MLC1: variants seen among roughly 807,000 people sequenced by gnomAD.
The protein encoded by MLC1 is modulator of VRAC current 1.
A neutral mutation model predicts 44.7 loss-of-function variants in MLC1; 32 were observed. The ratio of observed to expected loss-of-function variants is 0.72; its 90% confidence interval spans 0.54 to 0.96. The LOEUF (loss-of-function observed/expected upper bound fraction) is 0.96. Among genes scored for constraint, MLC1 ranks in the 40% least tolerant of loss-of-function variants. MLC1 has a pLI of 0.00. For synonymous variants in MLC1, 190 were observed against 213.0 expected, an observed-to-expected ratio of 0.89 and a Z score of 0.94; for missense variants, 459 against 492.2, an observed-to-expected ratio of 0.93 and a Z score of 0.64.
At chr22:50,063,942 C>A (rs796321131) in intron 11 of MLC1, 92 bp downstream of exon 11, 207 of 1,021,752 alleles carry the variant, frequency 2.0e-4, no homozygotes, top group Middle Eastern at 6.9e-4. Flanking sequence ...TCCCCAGCTT[C>A]CCCCCACCCC....
intron 9 of MLC1, among the ~76,000 whole-genome samples, chr22:50,068,788 A>G (rs545770883): frequency 2.0e-3 from 280 of 137,486 alleles, no homozygotes; most frequent in African/African-American, 7.5e-3. Context: ...ATGCAGTGGC[A>G]TGATCTTGGC....
rs11568175 is a variant in MLC1 at position 50,079,890 on chromosome 22, C to T, written c.423+28G>A. On this transcript the variant is annotated intron_variant, in intron 5 of 11. Transcript: ENST00000311597. ...TGGGAGTGGGGCTGTGGGTGTCAGG[C>T]GTCTGCGCGAAGCTCGTGTGAACTC... is the stretch of plus-strand genomic sequence containing the variant. The T allele has an allele frequency of 6.7e-5, 100 of 1,502,536 alleles. No individual in the cohort carries two copies. The South Asian group carries it at 8.4e-4, about 13-fold the overall frequency. 93.1% of individuals were successfully genotyped at this position (1,502,536 alleles called of 1,614,324 possible). A position where few individuals can be genotyped will look rare whatever the true frequency, so the allele number is the denominator to read the frequency against.
chr22:50,062,553 G>A (rs977330561), intron 11 of MLC1, among the ~76,000 whole-genome samples: 5 of 152,274 alleles, frequency 3.3e-5, no homozygotes, highest in Non-Finnish European at 4.4e-5. Flanking sequence ...GGGTGGGGGC[G>A]ACGGGGTCAG....
At chr22:50,064,312 G>A in intron 10 of MLC1, 114 bp from the exon 11 acceptor site, 2 of 1,309,848 alleles carry the variant, frequency 1.5e-6, no homozygotes, top group Admixed American at 2.0e-5. Context: ...GCTCGAGTCG[G>A]AGCCCCAGTA....
intron 4 of MLC1, 98 bp downstream of exon 4, chr22:50,080,246 G>T: frequency 2.8e-6 from 4 of 1,437,830 alleles, no homozygotes; most frequent in Non-Finnish European, 3.8e-6. Context: ...GTGCCACAAC[G>T]TCTGTGCGTG....
Position 50,083,853 on chromosome 22 carries a change from G to C in MLC1, c.178-680C>G, listed in dbSNP as rs2062211700. Among the ~76,000 whole-genome samples the C allele has an allele frequency of 6.6e-6, 1 of 152,152 alleles. No individual in the cohort carries two copies. ...GGCAGAGGGGATCTGGCCTGGGCGG[G>C]GGAGGGGCTGCGACCAAGTCCAGGG... On this transcript the variant is annotated intron_variant, in intron 2 of 11. Coordinates refer to ENST00000311597, the MANE Select transcript of MLC1 (RefSeq NM_015166.4). The surrounding 1 kb of genome is among the most constrained non-coding windows in gnomAD (Gnocchi z 4.6).
chr22:50,075,169 C>T (rs976950422), intron 7 of MLC1, among the ~76,000 whole-genome samples: 2 of 149,586 alleles, frequency 1.3e-5, no homozygotes, highest in Non-Finnish European at 3.0e-5. Context: ...CAGGGAGGGG[C>T]CGCAACCAGC....
chr22:50,084,988 G>T (rs11568171), intron 1 of MLC1, 27 bp from the exon 2 acceptor site: 3 of 1,569,536 alleles, frequency 1.9e-6, no homozygotes, highest in Middle Eastern at 1.9e-4. Context: ...ATCGGCTTTG[G>T]CCACTCTGAG....
chr22:50,071,820 C>T (rs1196141342), intron 8 of MLC1, among the ~76,000 whole-genome samples: 1 of 152,228 alleles, frequency 6.6e-6, no homozygotes, highest in Non-Finnish European at 1.5e-5. Flanking sequence ...GCTCTTCATC[C>T]TCTTCATCTC....
At chr22:50,077,326 G>C (rs982760757) in intron 6 of MLC1, 75 bp downstream of exon 6, 2 of 1,338,328 alleles carry the variant, frequency 1.5e-6, no homozygotes, top group Non-Finnish European at 2.1e-6. Flanking sequence ...CGAGGGTGAC[G>C]CTGAGACCCA....
rs2062192140 is a variant in MLC1 at position 50,083,251 on chromosome 22, C to T, written c.178-78G>A. The T allele has an allele frequency of 5.3e-6, 7 of 1,328,334 alleles. No individual in the cohort carries two copies. Among genetic ancestry groups the T allele is most frequent in the South Asian group, 1.2e-5 (1 of 84,620 alleles). The allele number at this position is 1,328,334 out of a possible 1,614,324, so 82.3% of individuals were successfully genotyped here. On this transcript the variant is annotated intron_variant, in intron 2 of 11. Transcript: ENST00000311597. This position sits in a 1 kb window ranked among gnomAD's most constrained non-coding sequence, Gnocchi z 4.6. ...GACCCTGACCCTTCAACTTCTGCTT[C>T]ACTGTCTGTGTATTGGTGACTCACC...
chr22:50,067,819 C>G (rs894798411), intron 10 of MLC1, among the ~76,000 whole-genome samples: 2 of 135,540 alleles, frequency 1.5e-5, no homozygotes, highest in Admixed American at 1.5e-4. Context: ...GTGACTCCAT[C>G]CCCCATCAGA....
At chr22:50,081,059 G>GAAAGAAAGAAAAGAAA (rs1484447304) in intron 3 of MLC1, among the ~76,000 whole-genome samples, 1 of 19,176 alleles carries the variant, frequency 5.2e-5, no homozygotes, top group Non-Finnish European at 1.5e-4. Flanking sequence ...GAAAGAAAGA[G>GAAAGAAAGAAAAGAAA]GAGGTCTGGT....
At chr22:50,063,063 T>C (rs1447747073) in intron 11 of MLC1, among the ~76,000 whole-genome samples, 2 of 152,122 alleles carry the variant, frequency 1.3e-5, no homozygotes, top group African/African-American at 4.8e-5. Context: ...TCAGGACCTG[T>C]GGGAGTCCTC....
chr22:50,077,473 C>G lies in MLC1; in HGVS notation c.453G>C (p.Leu151=), dbSNP rs1279567153. Residue 151 remains leucine, a synonymous_variant, in exon 6 of 12, where the codon CTG becomes CTC. Transcript: ENST00000311597. ...CCGTGGCCGCCATGAGCAGCTCCAG[C>G]AGGAGCAGCAGGATGAGGTTGAAGT... ...NINFNLILLL[L]LELLMAATVI... 2 of 1,613,798 alleles carry G rather than the reference C, an allele frequency of 1.2e-6. No homozygotes were observed. Among genetic ancestry groups the G allele is most frequent in the Non-Finnish European group, 8.5e-7 (1 of 1,180,024 alleles).
At chr22:50,071,434 A>T (rs193015584) in intron 8 of MLC1, among the ~76,000 whole-genome samples, 181 of 152,116 alleles carry the variant, frequency 1.2e-3, no homozygotes, top group African/African-American at 4.0e-3. Context: ...TTTGCTCCTG[A>T]TCCGGATTCG....
At chr22:50,062,856 G>A (rs954607100) in intron 11 of MLC1, among the ~76,000 whole-genome samples, 3 of 152,228 alleles carry the variant, frequency 2.0e-5, no homozygotes, top group Admixed American at 6.5e-5. Flanking sequence ...GTAGCTCGGT[G>A]GGGGGAAGAC....
chr22:50,067,431 G>GACTCCATCCCCCA (rs2061729310), intron 10 of MLC1, among the ~76,000 whole-genome samples: 1 of 81,520 alleles, frequency 1.2e-5, no homozygotes. Flanking sequence ...TCTATCCCCT[G>GACTCCATCCCCCA]TCAGGCAGTG....
intron 10 of MLC1, 87 bp downstream of exon 10, chr22:50,068,346 C>G (rs1311750458): frequency 1.3e-6 from 2 of 1,564,868 alleles, no homozygotes; most frequent in Non-Finnish European, 1.7e-6. Context: ...GCCAGCGCCC[C>G]CAGAGTCCCA....
Sources: gnomAD v4.1 joint callset for allele counts (sites outside exome capture counted in the v4.1 genomes callset) on GRCh38, gnomAD v4.1.1 for gene constraint, Gnocchi (gnomAD v3.1) non-coding constraint, MANE v1.5 for transcripts, NCBI Gene and HGNC (gene_info 2026-07-23, HGNC 2026-07-21) for gene names.